GABRB3: variants seen among roughly 807,000 people sequenced by gnomAD.
The protein encoded by GABRB3 is gamma-aminobutyric acid type A receptor subunit beta3.
Under a neutral mutation model 52.1 loss-of-function variants are expected in GABRB3, and 14 were observed. That is an observed-to-expected ratio of 0.27 (90% confidence interval 0.18 to 0.42). The LOEUF (loss-of-function observed/expected upper bound fraction) is 0.42, where lower values mean the gene tolerates loss of function less well. Ranked by LOEUF, GABRB3 falls within the 10% of genes least tolerant of loss-of-function variation. The pLI, the probability that GABRB3 is intolerant of heterozygous loss-of-function variation, is 1.00. For synonymous variants in GABRB3, 260 were observed against 232.3 expected, an observed-to-expected ratio of 1.12 and a Z score of -1.08; for missense variants, 307 against 609.1, an observed-to-expected ratio of 0.50 and a Z score of 5.22.
chr15:26,604,851 T>A (rs1424659663), intron 4 of GABRB3, among the ~76,000 whole-genome samples: 1 of 151,998 alleles, frequency 6.6e-6, no homozygotes, highest in Non-Finnish European at 1.5e-5. Flanking sequence ...AGGACATTGG[T>A]CTGGGAAAAA....
chr15:26,709,847 C>G (rs969207153), intron 3 of GABRB3, among the ~76,000 whole-genome samples: 1 of 152,130 alleles, frequency 6.6e-6, no homozygotes, highest in Non-Finnish European at 1.5e-5. Flanking sequence ...AATTACCCAG[C>G]CTCCAGTATT....
Position 26,709,619 on chromosome 15 carries a change from G to A in GABRB3, c.240+62783C>T, listed in dbSNP as rs1015483274. Among the ~76,000 whole-genome samples the A allele has an allele frequency of 2.9e-4, 40 of 138,732 alleles. 3 individuals carry two copies. The Admixed American group carries it at 3.3e-3, about 12-fold the overall frequency. 91.0% of individuals were successfully genotyped at this position (138,732 alleles called of 152,430 possible). On this transcript the variant is annotated intron_variant, in intron 3 of 8. Coordinates refer to ENST00000311550, the MANE Select transcript of GABRB3 (RefSeq NM_000814.6). ...TGCAAGCTCTGCCTCCTGGGTTCATGCCATTCTCCTGCCTCAGCCTCCCGA... is the reference window on the plus strand; with the variant it reads ...TGCAAGCTCTGCCTCCTGGGTTCATACCATTCTCCTGCCTCAGCCTCCCGA...
intron 3 of GABRB3, among the ~76,000 whole-genome samples, chr15:26,714,809 A>G (rs866405611): frequency 6.6e-6 from 1 of 152,154 alleles, no homozygotes; most frequent in Non-Finnish European, 1.5e-5. Context: ...TAATTATTAA[A>G]GGTGCATAGG....
intron 3 of GABRB3, among the ~76,000 whole-genome samples, chr15:26,677,414 T>G (rs1888103280): frequency 6.6e-6 from 1 of 152,162 alleles, no homozygotes; most frequent in Non-Finnish European, 1.5e-5. Context: ...TATCACAGCC[T>G]TTCCTAAAAG....
chr15:26,665,775 T>G (rs1887691098), intron 3 of GABRB3, among the ~76,000 whole-genome samples: 1 of 152,240 alleles, frequency 6.6e-6, no homozygotes, highest in Non-Finnish European at 1.5e-5. Context: ...TATGTGTTGT[T>G]GTTGTTGTTT....
chr15:26,651,759 A>G (rs1337821614), intron 3 of GABRB3, among the ~76,000 whole-genome samples: 1 of 152,122 alleles, frequency 6.6e-6, no homozygotes, highest in African/African-American at 2.4e-5. Context: ...TTGCTCTCCA[A>G]CCTCACTCTG....
In GABRB3 at chr15:26,544,329, A is replaced by G. The variant is rs2140636738; in HGVS notation, c.*3464T>C. On this transcript the variant is annotated 3_prime_UTR_variant, in exon 9 of 9. Coordinates refer to ENST00000311550, the MANE Select transcript of GABRB3 (RefSeq NM_000814.6). The stretch of plus-strand genomic sequence containing the variant: ...TGCCTGTCCCCTTAAAACCAGCCCC[A>G]GACTCGTTTGGCATCACCTTTGAGA... The G allele has an allele frequency of 6.5e-6, 1 of 152,732 alleles. No homozygotes were observed. The highest frequency in any genetic ancestry group is 3.4e-3 in the Middle Eastern group (1 of 294). 9.5% of individuals were successfully genotyped at this position (152,732 alleles called of 1,614,324 possible).
At chr15:26,559,969 C>T (rs530353683) in intron 8 of GABRB3, among the ~76,000 whole-genome samples, 1 of 152,278 alleles carries the variant, frequency 6.6e-6, no homozygotes, top group South Asian at 2.1e-4. Flanking sequence ...GGCAGGTGGA[C>T]AAAAGATGGT....
intron 3 of GABRB3, among the ~76,000 whole-genome samples, chr15:26,707,646 T>C (rs1202127877): frequency 1.3e-5 from 2 of 152,188 alleles, no homozygotes; most frequent in African/African-American, 4.8e-5. Context: ...ACACATTTCC[T>C]AGCTGCAGAG....
intron 3 of GABRB3, among the ~76,000 whole-genome samples, chr15:26,728,760 C>T (rs1386495342): frequency 6.6e-6 from 1 of 152,192 alleles, no homozygotes; most frequent in Non-Finnish European, 1.5e-5. Context: ...ATGTTGTTAC[C>T]TGTATGTTAT....
At chr15:26,689,397 C>G (rs544087062) in intron 3 of GABRB3, among the ~76,000 whole-genome samples, 37 of 152,306 alleles carry the variant, frequency 2.4e-4, no homozygotes, top group African/African-American at 8.7e-4. Context: ...GACTACCCAC[C>G]ACAGGCTGGA....
chr15:26,606,804 C>CGATAGATAGATCTATCGATCGATAGA (rs200249563), intron 4 of GABRB3, among the ~76,000 whole-genome samples: 1 of 42,770 alleles, frequency 2.3e-5, no homozygotes, highest in Non-Finnish European at 5.8e-5. Flanking sequence ...ATAGATATAT[C>CGATAGATAGATCTATCGATCGATAGA]TATAGATAGA....
At chr15:26,638,356 C>T (rs888438615) in intron 3 of GABRB3, among the ~76,000 whole-genome samples, 16 of 152,306 alleles carry the variant, frequency 1.1e-4, no homozygotes, top group African/African-American at 3.8e-4. Context: ...TACTGGCTGG[C>T]TGCTCTGCTC....
At chr15:26,689,778 T>A (rs1888525919) in intron 3 of GABRB3, among the ~76,000 whole-genome samples, 1 of 152,112 alleles carries the variant, frequency 6.6e-6, no homozygotes, top group African/African-American at 2.4e-5. Context: ...GGGGAGGCTG[T>A]CTGCCATCAG....
At chr15:26,664,695 C>T (rs8029267) in intron 3 of GABRB3, among the ~76,000 whole-genome samples, 136,095 of 143,466 alleles carry the variant, frequency 0.95, 64,716 homozygotes, top group East Asian at 1. Context: ...CATTTCTTTT[C>T]TTTTCTTTGT....
chr15:26,687,846 T>G (rs1479385612), intron 3 of GABRB3, among the ~76,000 whole-genome samples: 1 of 152,210 alleles, frequency 6.6e-6, no homozygotes, highest in Non-Finnish European at 1.5e-5. Context: ...AATGTGTATT[T>G]AAAAAGAAGC....
intron 5 of GABRB3, chr15:26,581,251 G>T (rs148541054): frequency 1.3e-5 from 2 of 152,990 alleles, no homozygotes; most frequent in African/African-American, 4.8e-5. Flanking sequence ...ATCATTTAAA[G>T]CAGAGATTGC....
intron 3 of GABRB3, among the ~76,000 whole-genome samples, chr15:26,741,037 G>C (rs1267041483): frequency 8.1e-6 from 1 of 123,866 alleles, no homozygotes; most frequent in Non-Finnish European, 1.7e-5. Flanking sequence ...ATGGGCGAGG[G>C]AGGAATAAGT....
intron 3 of GABRB3, among the ~76,000 whole-genome samples, chr15:26,687,226 A>AT (rs1888434820): frequency 6.6e-6 from 1 of 152,238 alleles, no homozygotes; most frequent in Admixed American, 6.5e-5. Context: ...TTCATAATTT[A>AT]TTTTAAGGAT....
Sources: allele counts gnomAD v4.1 joint callset (sites outside exome capture counted in the v4.1 genomes callset), GRCh38; gene constraint gnomAD v4.1.1; transcripts MANE v1.5; gene names NCBI Gene and HGNC (gene_info 2026-07-23, HGNC 2026-07-21).